The following CEACAM20 variants were observed in gnomAD, a reference collection of about 807,000 sequenced individuals.
CEACAM20 encodes CEA cell adhesion molecule 20, also known as cell adhesion molecule CEACAM20.
A neutral mutation model predicts 61.2 loss-of-function variants in CEACAM20; 50 were observed. The ratio of observed to expected loss-of-function variants is 0.82; its 90% confidence interval spans 0.65 to 1.03. The LOEUF is 1.03. Among genes scored for constraint, CEACAM20 ranks in the 50% least tolerant of loss-of-function variants. CEACAM20 has a pLI of 0.00. For synonymous variants in CEACAM20, 282 were observed against 287.7 expected, an observed-to-expected ratio of 0.98 and a Z score of 0.20; for missense variants, 683 against 736.4, an observed-to-expected ratio of 0.93 and a Z score of 0.84.
In CEACAM20 at chr19:44,522,828, G is replaced by A. The variant is rs1351442258; in HGVS notation, c.557C>T (p.Thr186Ile). 1 of 1,612,668 alleles carries A rather than the reference G, an allele frequency of 6.2e-7. No homozygotes were observed. The highest frequency in any genetic ancestry group is 1.3e-5 in the African/African-American group (1 of 75,008). Reference sequence around the variant, plus strand: ...GTGAGACTTTGTTTCCGCTAAGAAGGTCATGCTGGAGCCCTCCATCACCTC... The same window carrying A: ...GTGAGACTTTGTTTCCGCTAAGAAGATCATGCTGGAGCCCTCCATCACCTC... ...VVEVMEGSSM[T>I]FLAETKSHPP... The change falls in exon 4 of 12, where the codon ACC (threonine) becomes ATC (isoleucine). Residue 186 changes from threonine to isoleucine, a missense_variant. Coordinates refer to ENST00000614924, the MANE Select transcript of CEACAM20 (RefSeq NM_001102597.3).
chr19:44,507,810 C>T (rs896164170), intron 11 of CEACAM20, among the ~76,000 whole-genome samples: 4 of 152,284 alleles, frequency 2.6e-5, no homozygotes, highest in South Asian at 2.1e-4. Context: ...GTGGGATGAT[C>T]GCTTGAGCCC....
Position 44,511,618 on chromosome 19 carries a change from C to A in CEACAM20, c.1611+19G>T. ...TTCCTTCATAGATTCTTTAACCAAA[C>A]CCAGCAGGGCCAATGTACCTCATAG... On this transcript the variant is annotated intron_variant, in intron 10 of 11. Coordinates refer to ENST00000614924, the MANE Select transcript of CEACAM20 (RefSeq NM_001102597.3). The A allele has an allele frequency of 6.2e-7, 1 of 1,610,508 alleles. No individual in the cohort carries two copies.
At chr19:44,516,819 G>A in intron 6 of CEACAM20, 127 bp downstream of exon 6, 1 of 1,045,266 alleles carries the variant, frequency 9.6e-7, no homozygotes, top group Non-Finnish European at 1.4e-6. Flanking sequence ...GCTGTGGACT[G>A]AGAACCTGCT....
rs1971159203 is a variant in CEACAM20, at chr19:44,516,517, C to T, written c.1309+429G>A. ...AAAGGGTTTCCCCTTTTGCTTGGTT[C>T]TCATTCTCTCTTGTCTGCCACCATG... On this transcript the variant is annotated intron_variant, in intron 6 of 11. Coordinates refer to ENST00000614924, the MANE Select transcript of CEACAM20 (RefSeq NM_001102597.3). Among the ~76,000 whole-genome samples the T allele has an allele frequency of 3.3e-5, 5 of 152,290 alleles. No individual in the cohort carries two copies. In the South Asian group the frequency reaches 1.0e-3, roughly 32 times the overall value.
At chr19:44,516,549 A>G (rs1041310999) in intron 6 of CEACAM20, among the ~76,000 whole-genome samples, 3 of 152,214 alleles carry the variant, frequency 2.0e-5, no homozygotes, top group African/African-American at 4.8e-5. Flanking sequence ...CATGTAAGAC[A>G]TGCCTTTCGC....
intron 6 of CEACAM20, among the ~76,000 whole-genome samples, chr19:44,516,325 A>G (rs753726333): frequency 1.6e-4 from 24 of 152,112 alleles, no homozygotes; most frequent in Non-Finnish European, 3.4e-4. Context: ...AGGCATCACG[A>G]TATGATTTGG....
intron 5 of CEACAM20, among the ~76,000 whole-genome samples, chr19:44,519,921 G>C (rs1414989351): frequency 1.3e-5 from 2 of 152,146 alleles, no homozygotes; most frequent in African/African-American, 2.4e-5. Context: ...CAACAGCCAT[G>C]ATGGGTGTTC....
intron 1 of CEACAM20, among the ~76,000 whole-genome samples, chr19:44,528,946 C>T (rs927259931): frequency 4.6e-4 from 60 of 129,536 alleles, no homozygotes; most frequent in African/African-American, 1.5e-3. Flanking sequence ...CTGTATTTCT[C>T]TCTTTCTTTC....
chr19:44,526,591 A>G (rs1971536193), intron 1 of CEACAM20, among the ~76,000 whole-genome samples: 2 of 151,392 alleles, frequency 1.3e-5, no homozygotes, highest in African/African-American at 4.9e-5. Flanking sequence ...GCAAGAGACT[A>G]TGGGACCTGG....
intron 7 of CEACAM20, 75 bp downstream of exon 7, chr19:44,513,097 C>A: frequency 7.4e-7 from 1 of 1,350,376 alleles, no homozygotes; most frequent in South Asian, 1.3e-5. Flanking sequence ...GCACCATGGT[C>A]AGCAACACGC....
At chr19:44,513,977 C>T (rs189227328) in intron 6 of CEACAM20, among the ~76,000 whole-genome samples, 42 of 152,158 alleles carry the variant, frequency 2.8e-4, no homozygotes, top group Middle Eastern at 6.8e-3. Context: ...TAAATGTTGG[C>T]CATGATGACA....
At chr19:44,527,711 C>T (rs1971570186) in intron 1 of CEACAM20, among the ~76,000 whole-genome samples, 1 of 152,164 alleles carries the variant, frequency 6.6e-6, no homozygotes, top group Non-Finnish European at 1.5e-5. Flanking sequence ...ACTACAGAGC[C>T]CCTGCACCCT....
In CEACAM20 at chr19:44,511,144, AG is replaced by A. The variant is rs150406547; in HGVS notation, c.1622del (p.Pro541LeufsTer20). On this transcript the variant is annotated frameshift_variant, in exon 11 of 12. Transcript: ENST00000614924. LOFTEE classifies it high-confidence loss of function. Reference protein sequence around the residue: ...LPEETYETKLPSASRRGNSFS... With the variant: ...LPEETYETKLXSASRRGNSFS... ...AAGAATTGCCTCTACGGCTTGCTGA[AG>A]GCAGCTTCGTCTGCAAGTAAGCAGA... The A allele has an allele frequency of 9.4e-4, 1,521 of 1,613,670 alleles. 33 individuals are homozygous for A. In the East Asian group the frequency reaches 0.03, roughly 31 times the overall value.
chr19:44,513,146 T>A, intron 7 of CEACAM20, 26 bp downstream of exon 7: 1 of 1,545,314 alleles, frequency 6.5e-7, no homozygotes, highest in Non-Finnish European at 8.9e-7. Flanking sequence ...CCCATCCCCA[T>A]CCCCCTCCCT....
intron 2 of CEACAM20, 118 bp from the exon 3 acceptor site, chr19:44,524,379 G>C: frequency 9.0e-7 from 1 of 1,111,168 alleles, no homozygotes; most frequent in South Asian, 1.5e-5. Context: ...AAGACTCTCT[G>C]GAGTTGGATG....
intron 5 of CEACAM20, among the ~76,000 whole-genome samples, chr19:44,517,848 G>A (rs1971215565): frequency 6.6e-6 from 1 of 151,900 alleles, no homozygotes; most frequent in Non-Finnish European, 1.5e-5. Flanking sequence ...GTAGGTGGAT[G>A]TGAGTGGAAC....
intron 9 of CEACAM20, 127 bp downstream of exon 9, chr19:44,511,890 A>G: frequency 1.1e-6 from 1 of 951,142 alleles, no homozygotes. Flanking sequence ...TCAGAGGAGG[A>G]GATGCAGAGA....
chr19:44,527,754 A>G lies in CEACAM20; in HGVS notation c.52+1704T>C, dbSNP rs527638451. On this transcript the variant is annotated intron_variant, in intron 1 of 11. Transcript: ENST00000614924. ...TTAGCCAGGAAGCGCCGGCCCAGAG[A>G]AGGAGAAGCTGGTCTCAGGGACACA... 4.6e-5 allele frequency among the ~76,000 whole-genome samples: 7 copies of G among 152,336 alleles called. No individual in the cohort carries two copies. The East Asian group carries it at 5.8e-4, about 13-fold the overall frequency.
At chr19:44,521,198 T>C (rs1192432037) in intron 4 of CEACAM20, among the ~76,000 whole-genome samples, 1 of 152,122 alleles carries the variant, frequency 6.6e-6, no homozygotes, top group Non-Finnish European at 1.5e-5. Flanking sequence ...CTGTATGTGC[T>C]GCATGTGGTA....
Sources: gnomAD v4.1 joint callset for allele counts (sites outside exome capture counted in the v4.1 genomes callset) on GRCh38, gnomAD v4.1.1 for gene constraint, MANE v1.5 for transcripts, NCBI Gene and HGNC (gene_info 2026-07-23, HGNC 2026-07-21) for gene names.